ARAP2: variants seen among roughly 807,000 people sequenced by gnomAD.
The protein encoded by ARAP2 is ArfGAP with RhoGAP domain, ankyrin repeat and PH domain 2, also known as arf-GAP with Rho-GAP domain, ANK repeat and PH domain-containing protein 2.
A neutral mutation model predicts 194.5 loss-of-function variants in ARAP2; 148 were observed. The ratio of observed to expected loss-of-function variants is 0.76; its 90% confidence interval spans 0.67 to 0.87. ARAP2 has a LOEUF of 0.87. ARAP2 is among the 40% of genes least tolerant of loss of function. The pLI is 0.00. For synonymous variants in ARAP2, 695 were observed against 683.5 expected (o/e 1.02, Z -0.26); for missense variants, 2,128 against 1,989.7 (o/e 1.07, Z -1.32).
intron 30 of ARAP2, among the ~76,000 whole-genome samples, chr4:36,080,913 T>G (rs1729382589): frequency 6.6e-6 from 1 of 152,080 alleles, no homozygotes; most frequent in East Asian, 1.9e-4. Flanking sequence ...AAAATAAAAC[T>G]GAGTGCAAAC....
chr4:36,213,395 G>T, intron 3 of ARAP2, 76 bp from the exon 4 acceptor site: 1 of 1,154,730 alleles, frequency 8.7e-7, no homozygotes, highest in Non-Finnish European at 1.3e-6. Context: ...AAGATTAAAA[G>T]CATGAGTTTT....
chr4:36,159,597 A>G, intron 13 of ARAP2, 92 bp from the exon 14 acceptor site: 1 of 1,154,774 alleles, frequency 8.7e-7, no homozygotes. Context: ...CATGTATGGG[A>G]TAAAGTCTGT....
At position 36,091,759 on chromosome 4, in the gene ARAP2, A is replaced by G. The variant is rs1237631427; in HGVS notation, c.4425+122T>C. 5.5e-6 allele frequency: 6 copies of G among 1,087,610 alleles called. No homozygotes were observed. The East Asian group carries it at 1.6e-4, about 29-fold the overall frequency. The allele number at this position is 1,087,610 out of a possible 1,614,324, so 67.4% of individuals were successfully genotyped here. A position where few individuals can be genotyped will look rare whatever the true frequency, so the allele number is the denominator to read the frequency against. ...ATACCATAGGCTGAAGCAAATCATC[A>G]GCTTACCATGCATTTTATATACTAC... On this transcript the variant is annotated intron_variant, in intron 28 of 32. Coordinates refer to ENST00000303965, the MANE Select transcript of ARAP2 (RefSeq NM_015230.4).
intron 27 of ARAP2, among the ~76,000 whole-genome samples, chr4:36,097,439 G>A (rs1315699996): frequency 6.6e-6 from 1 of 152,036 alleles, no homozygotes; most frequent in Non-Finnish European, 1.5e-5. Context: ...TACACACGTT[G>A]GGGTACACTG....
At chr4:36,183,883 A>T (rs1739876662) in intron 8 of ARAP2, among the ~76,000 whole-genome samples, 1 of 152,176 alleles carries the variant, frequency 6.6e-6, no homozygotes, top group Non-Finnish European at 1.5e-5. Flanking sequence ...AAATAACAAC[A>T]CTGGTCAGGG....
chr4:36,173,796 A>G (rs1737199655), intron 9 of ARAP2, among the ~76,000 whole-genome samples: 1 of 152,230 alleles, frequency 6.6e-6, no homozygotes, highest in Admixed American at 6.5e-5. Context: ...CTGAGGATAC[A>G]GCAGTGAATA....
At chr4:36,109,708 C>T (rs898162558) in intron 26 of ARAP2, among the ~76,000 whole-genome samples, 1 of 151,738 alleles carries the variant, frequency 6.6e-6, no homozygotes, top group Non-Finnish European at 1.5e-5. Flanking sequence ...TTATGTATGG[C>T]TTTAAATATA....
chr4:36,185,656 G>A (rs1447191580), intron 8 of ARAP2, among the ~76,000 whole-genome samples: 1 of 152,068 alleles, frequency 6.6e-6, no homozygotes, highest in Non-Finnish European at 1.5e-5. Context: ...TTTCCAACTG[G>A]TGGTGAACAC....
At chr4:36,234,226 C>A (rs1369443694) in intron 1 of ARAP2, among the ~76,000 whole-genome samples, 1 of 152,204 alleles carries the variant, frequency 6.6e-6, no homozygotes, top group African/African-American at 2.4e-5. Flanking sequence ...AAGTGCATTG[C>A]TCAGAGTTCT....
intron 8 of ARAP2, among the ~76,000 whole-genome samples, chr4:36,178,813 A>G (rs1010661656): frequency 1.3e-5 from 2 of 152,204 alleles, no homozygotes; most frequent in African/African-American, 4.8e-5. Flanking sequence ...TAAAGTGAGG[A>G]GAATCAAATG....
intron 27 of ARAP2, among the ~76,000 whole-genome samples, chr4:36,094,591 T>C (rs1314961944): frequency 1.3e-5 from 2 of 152,102 alleles, no homozygotes; most frequent in African/African-American, 4.8e-5. Context: ...AATTATAGAA[T>C]TCCCAGGAAC....
chr4:36,188,419 T>A (rs1741061037), intron 7 of ARAP2, among the ~76,000 whole-genome samples: 1 of 152,096 alleles, frequency 6.6e-6, no homozygotes, highest in South Asian at 2.1e-4. Context: ...AGACGGAAAA[T>A]CTCAATTCTG....
At chr4:36,081,325 G>A (rs1004764130) in intron 30 of ARAP2, among the ~76,000 whole-genome samples, 2 of 152,142 alleles carry the variant, frequency 1.3e-5, no homozygotes, top group Non-Finnish European at 2.9e-5. Flanking sequence ...TGAGTCATCA[G>A]GGGGAGAATG....
rs193260196 is a variant in ARAP2, at chr4:36,071,949, T to C, written c.4743+1740A>G. ...CCCACCTATGAGTGAGAATATGCGG[T>C]GTTTGGTTTTTTGTTCTTGAAATAC... On this transcript the variant is annotated intron_variant, in intron 32 of 32. Coordinates refer to ENST00000303965, the MANE Select transcript of ARAP2 (RefSeq NM_015230.4). 3.3e-5 allele frequency among the ~76,000 whole-genome samples: 5 copies of C among 151,276 alleles called. No individual in the cohort carries two copies. In the Admixed American group the frequency reaches 3.3e-4, roughly 10 times the overall value.
chr4:36,143,589 G>T (rs918993393), intron 19 of ARAP2, among the ~76,000 whole-genome samples: 7 of 151,688 alleles, frequency 4.6e-5, no homozygotes, highest in African/African-American at 1.5e-4. Flanking sequence ...CATGGTAACT[G>T]CCCCCATTGT....
intron 9 of ARAP2, among the ~76,000 whole-genome samples, chr4:36,173,200 G>A (rs1431570309): frequency 2.0e-5 from 3 of 151,962 alleles, no homozygotes; most frequent in African/African-American, 7.3e-5. Context: ...GAAGGGAGAC[G>A]GGCTGTCAGG....
rs140038414 is a variant in ARAP2 at position 36,104,219 on chromosome 4, A to G, written c.4285+3346T>C. ...TCCCCCACCTTTTTTTCAAATTCTG[A>G]TGATTTCTACTTGGCCCCAGGTTAG... On this transcript the variant is annotated intron_variant, in intron 27 of 32. Transcript: ENST00000303965. 4.7e-3 allele frequency among the ~76,000 whole-genome samples: 714 copies of G among 151,918 alleles called. 4 individuals carry two copies. Among genetic ancestry groups the G allele is most frequent in the African/African-American group, 0.013 (552 of 41,522 alleles).
chr4:36,146,840 C>T (rs538956732), intron 19 of ARAP2, among the ~76,000 whole-genome samples: 2 of 151,976 alleles, frequency 1.3e-5, no homozygotes, highest in African/African-American at 2.4e-5. Flanking sequence ...ATCACCAATA[C>T]CTTTAAGAGT....
In ARAP2 at chr4:36,079,620, G is replaced by A. The variant is rs377429805; in HGVS notation, c.4608+596C>T. On this transcript the variant is annotated intron_variant, in intron 31 of 32. Coordinates refer to ENST00000303965, the MANE Select transcript of ARAP2 (RefSeq NM_015230.4). The stretch of plus-strand genomic sequence containing the variant: ...CTGCTCTAGGGAGGAAAACAAATAC[G>A]GAACTGAGTATAAGCATTGGCCTCA... Among the ~76,000 whole-genome samples the A allele has an allele frequency of 1.6e-4, 24 of 152,210 alleles. No homozygotes were observed. The South Asian group carries it at 3.5e-3, about 22-fold the overall frequency.
Sources: gnomAD v4.1 joint callset for allele counts (sites outside exome capture counted in the v4.1 genomes callset) on GRCh38, gnomAD v4.1.1 for gene constraint, MANE v1.5 for transcripts, NCBI Gene and HGNC (gene_info 2026-07-23, HGNC 2026-07-21) for gene names.